Variants in ASTN2 observed in about 807,000 individuals in gnomAD.
ASTN2 encodes the protein astrotactin-2.
ASTN2 carries 54 observed loss-of-function variants against 139.8 expected under a neutral mutation model. The ratio of observed to expected loss-of-function variants is 0.39; its 90% confidence interval spans 0.31 to 0.48. The LOEUF is 0.48. ASTN2 is among the 20% of genes least tolerant of loss of function. The pLI is 0.95. For missense variants in ASTN2, 1,565 were observed against 1,725.1 expected (o/e 0.91, Z 1.64); for synonymous variants, 756 against 719.5 (o/e 1.05, Z -0.81).
intron 3 of ASTN2, among the ~76,000 whole-genome samples, chr9:117,208,928 T>A (rs1176243417): frequency 6.6e-6 from 1 of 152,186 alleles, no homozygotes; most frequent in Non-Finnish European, 1.5e-5. Flanking sequence ...ATATGGAAAC[T>A]AATGGAATTC....
intron 11 of ASTN2, among the ~76,000 whole-genome samples, chr9:116,842,471 G>T (rs1832290529): frequency 6.6e-6 from 1 of 152,012 alleles, no homozygotes; most frequent in Non-Finnish European, 1.5e-5. Flanking sequence ...GAGTGGGCCT[G>T]GTTCTTCTCA....
chr9:117,060,081 C>T (rs986242404), intron 5 of ASTN2, among the ~76,000 whole-genome samples: 17 of 151,866 alleles, frequency 1.1e-4, no homozygotes, highest in Non-Finnish European at 1.3e-4. Context: ...GAGGCCAAGG[C>T]GAGCAGATGG....
chr9:116,610,568 G>A (rs112799020), intron 19 of ASTN2, among the ~76,000 whole-genome samples: 1,725 of 152,036 alleles, frequency 0.011, 28 homozygotes, highest in African/African-American at 0.04. Context: ...GTGCCATTGC[G>A]CTCCAGCCTA....
chr9:116,511,869 T>C (rs1850401101), intron 19 of ASTN2, among the ~76,000 whole-genome samples: 3 of 152,196 alleles, frequency 2.0e-5, no homozygotes, highest in Admixed American at 6.5e-5. Context: ...TCATTTTTTA[T>C]TGCGTCTATT....
chr9:116,794,147 G>T (rs1337033924), intron 13 of ASTN2, among the ~76,000 whole-genome samples: 1 of 145,280 alleles, frequency 6.9e-6, no homozygotes, highest in East Asian at 2.0e-4. Context: ...GCCCAAGCTG[G>T]AGTGCAATGG....
intron 19 of ASTN2, among the ~76,000 whole-genome samples, chr9:116,508,573 CTTACAGT>C (rs1850215655): frequency 6.6e-6 from 1 of 152,082 alleles, no homozygotes; most frequent in Non-Finnish European, 1.5e-5. Context: ...CACGTGGTGC[CTTACAGT>C]TTACAAAGTA....
chr9:116,493,639 C>A (rs1382662733), intron 19 of ASTN2, among the ~76,000 whole-genome samples: 3 of 151,236 alleles, frequency 2.0e-5, no homozygotes, highest in Non-Finnish European at 4.4e-5. Context: ...TCCCTCAATC[C>A]TCCTCCTTGT....
chr9:116,856,390 G>A (rs192012805), intron 11 of ASTN2, among the ~76,000 whole-genome samples: 271 of 152,324 alleles, frequency 1.8e-3, no homozygotes, highest in Non-Finnish European at 2.8e-3. Flanking sequence ...GGCAGGGCTG[G>A]GCTTTCCCTG....
intron 13 of ASTN2, among the ~76,000 whole-genome samples, chr9:116,767,311 G>C (rs948315006): frequency 9.2e-5 from 14 of 152,166 alleles, no homozygotes; most frequent in African/African-American, 3.4e-4. Flanking sequence ...CTGGCTCCCA[G>C]AGCTTATCTC....
rs546724913 is a variant in ASTN2 at position 117,197,620 on chromosome 9, C to G, written c.1015+16738G>C. ...ACAATTATATACACTGATACACACACATCCATATACATATGTATGTATGTT... is the reference window on the plus strand; with the variant it reads ...ACAATTATATACACTGATACACACAGATCCATATACATATGTATGTATGTT... On this transcript the variant is annotated intron_variant, in intron 3 of 22. Coordinates refer to ENST00000313400, the MANE Select transcript of ASTN2 (RefSeq NM_001365068.1). Among the ~76,000 whole-genome samples the G allele has an allele frequency of 5.9e-5, 9 of 152,220 alleles. No individual in the cohort carries two copies. In the South Asian group the frequency reaches 1.9e-3, roughly 32 times the overall value.
chr9:116,739,759 G>A (rs990423227), intron 13 of ASTN2, among the ~76,000 whole-genome samples: 2 of 152,204 alleles, frequency 1.3e-5, no homozygotes, highest in Non-Finnish European at 2.9e-5. Context: ...TGCCTCCTCA[G>A]GGCCCAGCAG....
At chr9:116,457,963 G>C (rs1234532315) in intron 20 of ASTN2, among the ~76,000 whole-genome samples, 2 of 151,918 alleles carry the variant, frequency 1.3e-5, no homozygotes, top group East Asian at 3.9e-4. Flanking sequence ...TCCATCAACA[G>C]ACTAATGGAT....
chr9:116,553,169 G>A (rs10125798), intron 19 of ASTN2, among the ~76,000 whole-genome samples: 2,292 of 152,154 alleles, frequency 0.015, 59 homozygotes, highest in African/African-American at 0.052. Flanking sequence ...CTGGTTTGAG[G>A]AAGATTCTGT....
In ASTN2 at chr9:116,807,947, T is replaced by TAAA. The variant is rs61576800; in HGVS notation, c.2208-2130_2208-2128dup. 5.8e-4 allele frequency among the ~76,000 whole-genome samples: 80 copies of TAAA among 137,850 alleles called. 1 individual carries two copies. The highest frequency in any genetic ancestry group is 3.4e-3 in the South Asian group (14 of 4,176). 90.4% of individuals were successfully genotyped at this position (137,850 alleles called of 152,430 possible). On this transcript the variant is annotated intron_variant, in intron 12 of 22. Transcript: ENST00000313400. ...CAACATAGTGAAATCCTGTCTCTACTAAAAAAAAAAAAAAAAATTAGCCAG... is the reference window on the plus strand; with the variant it reads ...CAACATAGTGAAATCCTGTCTCTACTAAAAAAAAAAAAAAAAAAAATTAGCCAG...
intron 10 of ASTN2, among the ~76,000 whole-genome samples, chr9:116,927,631 G>T (rs1179231866): frequency 3.3e-5 from 5 of 152,118 alleles, no homozygotes; most frequent in Non-Finnish European, 7.4e-5. Flanking sequence ...TCCTTCTTTT[G>T]ACACTTGCGG....
At chr9:117,355,830 G>C (rs751059413) in intron 1 of ASTN2, among the ~76,000 whole-genome samples, 1 of 152,152 alleles carries the variant, frequency 6.6e-6, no homozygotes, top group Non-Finnish European at 1.5e-5. Context: ...CCATGCTGGG[G>C]GACATGGGAG....
Position 116,618,379 on chromosome 9 carries a change from G to A in ASTN2, c.3300C>T (p.Asp1100=). The change falls in exon 19 of 23, where the codon GAC becomes GAT. Residue 1100 remains aspartate (D), a synonymous_variant. Transcript: ENST00000313400. ...CCACTTTCTTATGCTGCAGAATATA[G>A]TCGGAGACCTTGGTCCCAATAGCTG... The part of the protein sequence containing the change: ...VQPAIGTKVS[D]YILQHKKVDE... 1.2e-6 allele frequency: 2 copies of A among 1,614,138 alleles called. No homozygotes were observed. The highest frequency in any genetic ancestry group is 1.1e-5 in the South Asian group (1 of 91,084).
chr9:116,484,152 G>T (rs1007089296), intron 20 of ASTN2, among the ~76,000 whole-genome samples: 1 of 152,198 alleles, frequency 6.6e-6, no homozygotes, highest in Non-Finnish European at 1.5e-5. Flanking sequence ...GCTTAGAAAA[G>T]ACACTGATAA....
intron 4 of ASTN2, among the ~76,000 whole-genome samples, chr9:117,100,492 A>G (rs1828950554): frequency 6.6e-6 from 1 of 152,382 alleles, no homozygotes; most frequent in African/African-American, 2.4e-5. Flanking sequence ...TTAACATGAA[A>G]TTAACATAAA....
Sources: gnomAD v4.1 joint callset for allele counts (sites outside exome capture counted in the v4.1 genomes callset) on GRCh38, gnomAD v4.1.1 for gene constraint, MANE v1.5 for transcripts, NCBI Gene and HGNC (gene_info 2026-07-23, HGNC 2026-07-21) for gene names.